NAA16: variants seen among roughly 807,000 people sequenced by gnomAD.
NAA16 encodes N-alpha-acetyltransferase 16, NatA auxiliary subunit, also known as NARG1-like protein.
Under a neutral mutation model 110.3 loss-of-function variants are expected in NAA16, and 97 were observed. That is an observed-to-expected ratio of 0.88 (90% CI 0.75 to 1.04). The LOEUF is 1.04. Among genes scored for constraint, NAA16 ranks in the 50% least tolerant of loss-of-function variants. The probability of loss-of-function intolerance (pLI) is 0.00; values close to 1 mark genes in which losing one functional copy is unlikely to be tolerated. For synonymous variants in NAA16, 372 were observed against 330.6 expected (o/e 1.13, Z -1.36); for missense variants, 1,017 against 1,005.1 (o/e 1.01, Z -0.16).
intron 5 of NAA16, among the ~76,000 whole-genome samples, chr13:41,323,922 A>T (rs909660705): frequency 7.9e-5 from 12 of 152,088 alleles, no homozygotes; most frequent in African/African-American, 2.9e-4. Context: ...CTGTCATTTC[A>T]TAATCTTGAC....
At chr13:41,375,326 T>C (rs1404626205) in intron 19 of NAA16, 79 bp from the exon 20 acceptor site, 1 of 988,930 alleles carries the variant, frequency 1.0e-6, no homozygotes, top group African/African-American at 1.6e-5. Flanking sequence ...TTTAACACAT[T>C]GCATCTTTTG....
chr13:41,358,300 G>A lies in NAA16; in HGVS notation c.1088-4G>A. 3 of 1,607,598 alleles carry A rather than the reference G, an allele frequency of 1.9e-6. No homozygotes were observed. The highest frequency in any genetic ancestry group is 2.6e-6 in the Non-Finnish European group (3 of 1,175,698). ...ATAATAATTTAATATTTGTTTGATT[G>A]CAGAGAATGGGGAGAAGGAACCCCC... On this transcript the variant is annotated splice_polypyrimidine_tract_variant and splice_region_variant and intron_variant, in intron 10 of 19. Coordinates refer to ENST00000379406, the MANE Select transcript of NAA16 (RefSeq NM_024561.5).
At position 41,311,409 on chromosome 13, in the gene NAA16, C is replaced by T. The variant is rs1252613430; in HGVS notation, c.-120C>T. The T allele has an allele frequency of 1.1e-6, 1 of 945,624 alleles. No individual in the cohort carries two copies. The highest frequency in any genetic ancestry group is 1.7e-5 in the African/African-American group (1 of 60,240). 58.6% of individuals were successfully genotyped at this position (945,624 alleles called of 1,614,324 possible). A position where few individuals can be genotyped will look rare whatever the true frequency, so the allele number is the denominator to read the frequency against. On this transcript the variant is annotated 5_prime_UTR_variant, in exon 1 of 20. Transcript: ENST00000379406. ...CCAATTGCAACTGTAGACCAATGAA[C>T]TAATCCATCGCCCGCAGCCCGACTC...
intron 9 of NAA16, among the ~76,000 whole-genome samples, chr13:41,342,679 T>C (rs2042583825): frequency 6.6e-6 from 1 of 152,206 alleles, no homozygotes; most frequent in African/African-American, 2.4e-5. Context: ...AGTCTGCTGG[T>C]GGTCTGAGTC....
intron 12 of NAA16, among the ~76,000 whole-genome samples, chr13:41,360,968 G>C (rs1287086874): frequency 1.3e-5 from 2 of 152,072 alleles, no homozygotes; most frequent in African/African-American, 4.8e-5. Flanking sequence ...TGTTCACCCA[G>C]AGATAACTAG....
At position 41,318,819 on chromosome 13, in the gene NAA16, GA is replaced by G; in HGVS notation, c.156del (p.Gly53AspfsTer2). ...ATTATTTTTCAGAGACTTTGGCTATGAAAGGATTAACACTGAACTGTTTAGG... is the reference window on the plus strand; with the variant it reads ...ATTATTTTTCAGAGACTTTGGCTATGAAGGATTAACACTGAACTGTTTAGG... ...FAEHGETLAM[K>X]GLTLNCLGKK... On this transcript the variant is annotated frameshift_variant, in exon 3 of 20. Transcript: ENST00000379406. LOFTEE classifies it high-confidence loss of function. 1 of 1,554,874 alleles carries G rather than the reference GA, an allele frequency of 6.4e-7. No individual in the cohort carries two copies. The highest frequency in any genetic ancestry group is 2.3e-5 in the East Asian group (1 of 43,662).
intron 5 of NAA16, among the ~76,000 whole-genome samples, chr13:41,324,363 CTTTTTTTTTTTTTT>C (rs71086562): frequency 1.2e-4 from 8 of 66,060 alleles, no homozygotes; most frequent in Admixed American, 2.1e-4. Context: ...TTCTTTCTTT[CTTTTTTTTTTTTTT>C]TTTTTTTTTT....
At chr13:41,315,644 C>T (rs2041788694) in intron 1 of NAA16, among the ~76,000 whole-genome samples, 1 of 151,974 alleles carries the variant, frequency 6.6e-6, no homozygotes, top group African/African-American at 2.4e-5. Context: ...CATAGCTGCT[C>T]AATAAGTGGT....
chr13:41,322,371 T>TG (rs2041970043), intron 4 of NAA16, among the ~76,000 whole-genome samples: 1 of 152,270 alleles, frequency 6.6e-6, no homozygotes, highest in Non-Finnish European at 1.5e-5. Flanking sequence ...TTATGATTTC[T>TG]GGGTGGCAGT....
intron 13 of NAA16, among the ~76,000 whole-genome samples, chr13:41,366,179 ATAAAC>A (rs1410043238): frequency 2.6e-5 from 4 of 152,262 alleles, no homozygotes; most frequent in African/African-American, 9.6e-5. Flanking sequence ...CTTTTTAGTC[ATAAAC>A]TAATGTGAAA....
chr13:41,326,186 A>C (rs2042089433), intron 6 of NAA16, among the ~76,000 whole-genome samples: 1 of 152,164 alleles, frequency 6.6e-6, no homozygotes, highest in Non-Finnish European at 1.5e-5. Context: ...ATCCATATAT[A>C]GTTAATTAAA....
chr13:41,372,254 C>T lies in NAA16; in HGVS notation c.1999C>T (p.Leu667Phe). ...TAAGTTCCTTATACCTCTTAAGAAC[C>T]TTGTTGCTGATAACATTGACACTCA... ...AVKFLIPLKN[L>F]VADNIDTHLL... Residue 667 changes from leucine to phenylalanine, a missense_variant, in exon 16 of 20, where the codon CTT becomes TTT. Physicochemically the swap from Leu to Phe is conservative, Grantham distance 22. Coordinates refer to ENST00000379406, the MANE Select transcript of NAA16 (RefSeq NM_024561.5). 1 of 1,604,204 alleles carries T rather than the reference C, an allele frequency of 6.2e-7. No homozygotes were observed. The highest frequency in any genetic ancestry group is 8.5e-7 in the Non-Finnish European group (1 of 1,176,002).
intron 17 of NAA16, 149 bp downstream of exon 17, chr13:41,372,979 T>A: frequency 1.8e-6 from 2 of 1,104,278 alleles, no homozygotes; most frequent in Non-Finnish European, 2.3e-6. Context: ...ACAAATCCTC[T>A]GATCATGGCC....
chr13:41,352,428 G>A (rs2042860487), intron 9 of NAA16, among the ~76,000 whole-genome samples: 1 of 152,052 alleles, frequency 6.6e-6, no homozygotes, highest in South Asian at 2.1e-4. Context: ...GCCTAGGTGG[G>A]CGGGTCACCT....
At chr13:41,319,166 T>C (rs989678017) in intron 3 of NAA16, among the ~76,000 whole-genome samples, 3 of 152,250 alleles carry the variant, frequency 2.0e-5, no homozygotes, top group African/African-American at 4.8e-5. Flanking sequence ...AGGAAATCTC[T>C]ATAAAATGTG....
At chr13:41,312,033 G>A (rs2041613813) in intron 1 of NAA16, among the ~76,000 whole-genome samples, 1 of 152,146 alleles carries the variant, frequency 6.6e-6, no homozygotes, top group African/African-American at 2.4e-5. Flanking sequence ...CAGCACACCC[G>A]CATACCTATT....
At chr13:41,375,366 T>C in intron 19 of NAA16, 39 bp from the exon 20 acceptor site, 1 of 1,479,076 alleles carries the variant, frequency 6.8e-7, no homozygotes, top group Non-Finnish European at 9.4e-7. Context: ...GCGAGCTTAT[T>C]ATTTTTAAAT....
At chr13:41,324,815 T>C (rs2042046372) in intron 5 of NAA16, among the ~76,000 whole-genome samples, 1 of 151,538 alleles carries the variant, frequency 6.6e-6, no homozygotes, top group Admixed American at 6.6e-5. Context: ...CTAGGACTGC[T>C]CCAGAGACTG....
intron 5 of NAA16, among the ~76,000 whole-genome samples, chr13:41,323,580 C>A (rs2139387895): frequency 6.6e-6 from 1 of 151,572 alleles, no homozygotes; most frequent in Admixed American, 6.6e-5. Context: ...TCTCGATCTT[C>A]CGACCTCGTG....
Sources: gnomAD v4.1 joint callset for allele counts (sites outside exome capture counted in the v4.1 genomes callset) on GRCh38, gnomAD v4.1.1 for gene constraint, MANE v1.5 for transcripts, NCBI Gene and HGNC (gene_info 2026-07-23, HGNC 2026-07-21) for gene names.